Variants in ACYP2 observed in about 807,000 individuals in gnomAD.
ACYP2 encodes the protein acylphosphatase-2.
In ACYP2, 12 loss-of-function variants were observed where a neutral mutation model predicts 11.2. The observed-to-expected ratio is 1.08, with a 90% CI of 0.69 to 1.74. ACYP2 has a LOEUF of 1.74. Among genes scored for constraint, ACYP2 ranks in the 40% most tolerant of loss-of-function variants. The pLI is 0.00. For missense variants in ACYP2, 134 were observed against 101.9 expected (o/e 1.31, Z -1.35); for synonymous variants, 43 against 32.2 (o/e 1.33, Z -1.13).
At chr2:54,225,600 TAACTCTTTG>T (rs1685982600) in intron 6 of ACYP2, among the ~76,000 whole-genome samples, 1 of 152,208 alleles carries the variant, frequency 6.6e-6, no homozygotes, top group Non-Finnish European at 1.5e-5. Flanking sequence ...GGTGCAACAC[TAACTCTTTG>T]GATGTCATTT....
intron 6 of ACYP2, among the ~76,000 whole-genome samples, chr2:54,276,661 A>ACACACACACC (rs1553405193): frequency 7.5e-6 from 1 of 134,224 alleles, no homozygotes; most frequent in Non-Finnish European, 1.6e-5. Flanking sequence ...ACACACACAC[A>ACACACACACC]CCACACACAA....
At chr2:54,269,077 A>C (rs1237175894) in intron 6 of ACYP2, among the ~76,000 whole-genome samples, 30 of 152,244 alleles carry the variant, frequency 2.0e-4, no homozygotes, top group Admixed American at 2.0e-3. Flanking sequence ...GCCAGGAGTG[A>C]AACTGTGCCC....
chr2:54,020,380 C>G (rs1287131361), intron 2 of ACYP2, among the ~76,000 whole-genome samples: 5 of 152,100 alleles, frequency 3.3e-5, no homozygotes, highest in African/African-American at 1.2e-4. Context: ...TGCTCCTAAA[C>G]AAGATTTTAA....
At chr2:54,162,465 T>C (rs1300644655) in intron 6 of ACYP2, among the ~76,000 whole-genome samples, 1 of 152,184 alleles carries the variant, frequency 6.6e-6, no homozygotes, top group Admixed American at 6.5e-5. Flanking sequence ...CCTGTTGTTT[T>C]TAATGGTATA....
chr2:53,982,491 A>G (rs1002787311), intron 2 of ACYP2, among the ~76,000 whole-genome samples: 13 of 152,226 alleles, frequency 8.5e-5, no homozygotes, highest in African/African-American at 2.7e-4. Flanking sequence ...TAGTAGACTG[A>G]CAGATATGAA....
chr2:54,218,319 G>T (rs1032449255), intron 6 of ACYP2, among the ~76,000 whole-genome samples: 1 of 152,056 alleles, frequency 6.6e-6, no homozygotes, highest in Non-Finnish European at 1.5e-5. Flanking sequence ...TATCCTTGTT[G>T]GTCCCTCTGC....
chr2:54,285,620 G>T (rs747730008), intron 6 of ACYP2, among the ~76,000 whole-genome samples: 1 of 152,118 alleles, frequency 6.6e-6, no homozygotes, highest in Non-Finnish European at 1.5e-5. Flanking sequence ...TCCTTCTATT[G>T]TAATACATGT....
intron 2 of ACYP2, among the ~76,000 whole-genome samples, chr2:53,994,329 C>CAAAAAAAAAAAA (rs374302355): frequency 7.0e-5 from 3 of 42,890 alleles, no homozygotes; most frequent in African/African-American, 9.3e-5. Flanking sequence ...GACTCCGTCT[C>CAAAAAAAAAAAA]AAAAAAAAAA....
At chr2:54,051,707 A>G (rs1675875388) in intron 3 of ACYP2, 1 of 608,274 alleles carries the variant, frequency 1.6e-6, no homozygotes, top group Admixed American at 2.4e-5. Context: ...GGAAAGCCTG[A>G]TGCAGCAAAA....
intron 6 of ACYP2, among the ~76,000 whole-genome samples, chr2:54,263,848 G>C (rs763918527): frequency 6.6e-6 from 1 of 152,172 alleles, no homozygotes; most frequent in Non-Finnish European, 1.5e-5. Context: ...AGAATACTGA[G>C]AGAAGATATT....
chr2:54,043,784 C>T (rs936583457), intron 2 of ACYP2, among the ~76,000 whole-genome samples: 1 of 152,096 alleles, frequency 6.6e-6, no homozygotes, highest in African/African-American at 2.4e-5. Context: ...CTGCATCTAA[C>T]CTTATTCATA....
intron 2 of ACYP2, among the ~76,000 whole-genome samples, chr2:53,991,596 G>A (rs538726680): frequency 6.6e-6 from 1 of 151,712 alleles, no homozygotes; most frequent in Non-Finnish European, 1.5e-5. Context: ...GTAGAGACAG[G>A]GTTTCTCCAT....
intron 6 of ACYP2, among the ~76,000 whole-genome samples, chr2:54,216,105 T>C (rs541945243): frequency 6.6e-6 from 1 of 152,328 alleles, no homozygotes; most frequent in East Asian, 1.9e-4. Context: ...ACTTTAATTT[T>C]TTCTAAAAAA....
intron 2 of ACYP2, among the ~76,000 whole-genome samples, chr2:53,992,004 G>A (rs1373998542): frequency 1.3e-5 from 2 of 151,614 alleles, no homozygotes; most frequent in South Asian, 2.1e-4. Flanking sequence ...TTTTCACAAT[G>A]TAAGAGCTCT....
At chr2:54,111,221 G>A (rs1258490363) in intron 4 of ACYP2, among the ~76,000 whole-genome samples, 2 of 152,210 alleles carry the variant, frequency 1.3e-5, no homozygotes, top group Non-Finnish European at 2.9e-5. Flanking sequence ...CAAGTGGGGT[G>A]AAGCTCTGAG....
chr2:54,204,285 G>T (rs1310969075), intron 6 of ACYP2, among the ~76,000 whole-genome samples: 1 of 149,146 alleles, frequency 6.7e-6, no homozygotes, highest in African/African-American at 2.5e-5. Flanking sequence ...GAGCCACTGC[G>T]CCCGGCCATG....
chr2:53,992,973 A>ACTT (rs1672381173), intron 2 of ACYP2, among the ~76,000 whole-genome samples: 2 of 152,246 alleles, frequency 1.3e-5, no homozygotes, highest in East Asian at 3.9e-4. Flanking sequence ...TGGGAGGTCA[A>ACTT]GGCAGACGGA....
chr2:54,221,148 A>G (rs1467001503), intron 6 of ACYP2, among the ~76,000 whole-genome samples: 2 of 152,222 alleles, frequency 1.3e-5, no homozygotes, highest in Non-Finnish European at 2.9e-5. Context: ...GAATTAACAC[A>G]AGTGAATCGA....
At chr2:54,097,696 G>A (rs891228929) in intron 4 of ACYP2, among the ~76,000 whole-genome samples, 1 of 151,840 alleles carries the variant, frequency 6.6e-6, no homozygotes, top group Non-Finnish European at 1.5e-5. Context: ...TCTCGGGGGA[G>A]GAAGGGGTGG....
Sources: gnomAD v4.1 joint callset for allele counts (sites outside exome capture counted in the v4.1 genomes callset) on GRCh38, gnomAD v4.1.1 for gene constraint, MANE v1.5 for transcripts, NCBI Gene and HGNC (gene_info 2026-07-23, HGNC 2026-07-21) for gene names.